Variants in DYNC1I1 observed in about 807,000 individuals in gnomAD.
DYNC1I1 encodes the protein dynein cytoplasmic 1 intermediate chain 1, also known as cytoplasmic dynein 1 intermediate chain 1.
A neutral mutation model predicts 86.6 loss-of-function variants in DYNC1I1; 43 were observed. The observed-to-expected ratio is 0.50, with a 90% CI of 0.39 to 0.64. The LOEUF is 0.64. DYNC1I1 is among the 30% of genes least tolerant of loss of function. The pLI is 0.00. For synonymous variants in DYNC1I1, 262 were observed against 283.7 expected (o/e 0.92, Z 0.77); for missense variants, 604 against 788.8 (o/e 0.77, Z 2.81).
intron 6 of DYNC1I1, among the ~76,000 whole-genome samples, chr7:95,879,379 C>CT (rs36057070): frequency 0.19 from 28,894 of 150,918 alleles, 2,892 homozygotes; most frequent in Admixed American, 0.26. Flanking sequence ...CTCCATTGTT[C>CT]TTTTTTTTTG....
At chr7:95,898,778 T>C (rs1014367250) in intron 6 of DYNC1I1, among the ~76,000 whole-genome samples, 1 of 152,174 alleles carries the variant, frequency 6.6e-6, no homozygotes, top group Non-Finnish European at 1.5e-5. Flanking sequence ...TTGAGGCAGG[T>C]GAAAGAAACG....
At chr7:95,922,588 A>G (rs1791639041) in intron 6 of DYNC1I1, among the ~76,000 whole-genome samples, 2 of 152,034 alleles carry the variant, frequency 1.3e-5, no homozygotes, top group African/African-American at 4.8e-5. Context: ...ACTTCCCCAC[A>G]CTTTTATGTG....
intron 10 of DYNC1I1, among the ~76,000 whole-genome samples, chr7:96,026,229 T>A (rs976263264): frequency 6.6e-6 from 1 of 152,178 alleles, no homozygotes; most frequent in African/African-American, 2.4e-5. Context: ...AAACTGAAAA[T>A]CATTCAAAGT....
chr7:95,781,942 T>C (rs1379226994), intron 1 of DYNC1I1, among the ~76,000 whole-genome samples: 2 of 152,140 alleles, frequency 1.3e-5, no homozygotes, highest in Non-Finnish European at 1.5e-5. Context: ...GGCTAGGCTG[T>C]GTCATGATGC....
At chr7:95,936,956 T>TCACACACACACACA (rs57989893) in intron 6 of DYNC1I1, among the ~76,000 whole-genome samples, 2,063 of 134,200 alleles carry the variant, frequency 0.015, 44 homozygotes, top group African/African-American at 0.037. Context: ...AGAATATGTC[T>TCACACACACACACA]CACACACACA....
At chr7:96,045,356 G>A (rs1241982859) in intron 14 of DYNC1I1, among the ~76,000 whole-genome samples, 1 of 152,150 alleles carries the variant, frequency 6.6e-6, no homozygotes, top group African/African-American at 2.4e-5. Context: ...TGCAAATGAG[G>A]ACGTCACAAA....
intron 10 of DYNC1I1, among the ~76,000 whole-genome samples, chr7:96,027,843 A>G (rs75613549): frequency 1.3e-5 from 2 of 152,298 alleles, no homozygotes; most frequent in East Asian, 1.9e-4. Flanking sequence ...TTGCAATTCT[A>G]TGTGACAAAT....
intron 1 of DYNC1I1, among the ~76,000 whole-genome samples, chr7:95,777,693 A>G (rs1198489889): frequency 6.6e-6 from 1 of 152,214 alleles, no homozygotes; most frequent in East Asian, 1.9e-4. Context: ...GCAAACACAC[A>G]AAGCAGAAAT....
At chr7:95,836,934 T>G (rs1244998628) in intron 5 of DYNC1I1, among the ~76,000 whole-genome samples, 1 of 151,912 alleles carries the variant, frequency 6.6e-6, no homozygotes, top group Non-Finnish European at 1.5e-5. Flanking sequence ...TAGCTCAGAG[T>G]AATTTGATCG....
chr7:95,908,096 A>G (rs897469300), intron 6 of DYNC1I1, among the ~76,000 whole-genome samples: 10 of 152,184 alleles, frequency 6.6e-5, no homozygotes, highest in Non-Finnish European at 1.5e-4. Context: ...TGGGTATCTT[A>G]TTTAAGGAAG....
chr7:95,968,824 C>CTG (rs56022930), intron 6 of DYNC1I1, among the ~76,000 whole-genome samples: 8,561 of 94,094 alleles, frequency 0.091, 405 homozygotes, highest in East Asian at 0.28. Flanking sequence ...ATTTTTTGCT[C>CTG]TGTGTGTGTG....
chr7:96,106,575 T>C (rs1185151192), intron 16 of DYNC1I1, among the ~76,000 whole-genome samples: 1 of 151,858 alleles, frequency 6.6e-6, no homozygotes, highest in Non-Finnish European at 1.5e-5. Flanking sequence ...TCCCTCTTAG[T>C]ACTGCTTTTA....
At chr7:95,788,879 T>G (rs139646097) in intron 1 of DYNC1I1, among the ~76,000 whole-genome samples, 26 of 152,336 alleles carry the variant, frequency 1.7e-4, no homozygotes, top group Non-Finnish European at 3.1e-4. Flanking sequence ...TCATGTAAAT[T>G]ATTACATACT....
At chr7:95,987,985 C>G (rs997115669) in intron 9 of DYNC1I1, among the ~76,000 whole-genome samples, 3 of 152,178 alleles carry the variant, frequency 2.0e-5, no homozygotes, top group African/African-American at 7.2e-5. Context: ...TCATCTAATA[C>G]TATTCTTAAC....
chr7:96,032,835 T>G, intron 12 of DYNC1I1, 55 bp downstream of exon 12: 1 of 1,443,912 alleles, frequency 6.9e-7, no homozygotes, highest in South Asian at 1.2e-5. Context: ...AGATACCTAC[T>G]TAATGGAACA....
intron 5 of DYNC1I1, among the ~76,000 whole-genome samples, chr7:95,846,680 A>C (rs989477450): frequency 8.3e-6 from 1 of 121,056 alleles, no homozygotes; most frequent in Non-Finnish European, 1.9e-5. Flanking sequence ...GAAGGGGGCC[A>C]CAAGGCCAGG....
At chr7:96,058,253 G>A (rs1192477121) in intron 14 of DYNC1I1, among the ~76,000 whole-genome samples, 2 of 152,160 alleles carry the variant, frequency 1.3e-5, no homozygotes, top group African/African-American at 4.8e-5. Flanking sequence ...CATGGAGAAC[G>A]TAATGTGTTT....
At chr7:95,839,267 G>A (rs902568336) in intron 5 of DYNC1I1, among the ~76,000 whole-genome samples, 7 of 152,130 alleles carry the variant, frequency 4.6e-5, no homozygotes, top group Middle Eastern at 3.2e-3. Flanking sequence ...CTGACCTCGG[G>A]TGATCCACCC....
chr7:95,981,941 T>C (rs1443073664), intron 7 of DYNC1I1, among the ~76,000 whole-genome samples: 1 of 152,104 alleles, frequency 6.6e-6, no homozygotes, highest in East Asian at 1.9e-4. Context: ...AGTAAAACAA[T>C]TCTGATTCTA....
Sources: allele counts gnomAD v4.1 joint callset (sites outside exome capture counted in the v4.1 genomes callset), GRCh38; gene constraint gnomAD v4.1.1; transcripts MANE v1.5; gene names NCBI Gene and HGNC (gene_info 2026-07-23, HGNC 2026-07-21).